The following GPR15LG variants were observed in gnomAD, a reference collection of about 807,000 sequenced individuals.
GPR15LG encodes the protein G protein-coupled receptor 15 ligand.
the GPR15LG span, among the ~76,000 whole-genome samples, chr10:84,181,154 G>C: frequency 9.9e-3 from 1,367 of 137,672 alleles, 42 homozygotes; most frequent in African/African-American, 0.037. Flanking sequence ...GGAGAGGGCT[G>C]GGCTCAGCAT....
At chr10:84,176,575 T>C in the GPR15LG span, 2 of 1,608,942 alleles carry the variant, frequency 1.2e-6, no homozygotes, top group Admixed American at 1.7e-5. Flanking sequence ...GAAAGGTAAG[T>C]ACCCCCACCT....
the GPR15LG span, chr10:84,185,123 C>G: frequency 9.0e-7 from 1 of 1,107,038 alleles, no homozygotes; most frequent in Non-Finnish European, 1.1e-6. Context: ...GGGTGGCTGA[C>G]CAAGACTGCA....
chr10:84,184,352 C>G, the GPR15LG span, among the ~76,000 whole-genome samples: 1 of 152,144 alleles, frequency 6.6e-6, no homozygotes, highest in Non-Finnish European at 1.5e-5. Context: ...GCAGACCCTC[C>G]TACCAGAGTC....
the GPR15LG span, chr10:84,184,982 C>A: frequency 1.4e-6 from 2 of 1,393,018 alleles, no homozygotes; most frequent in Non-Finnish European, 1.9e-6. Flanking sequence ...GCCAACCTCA[C>A]CCCACAGGGC....
At chr10:84,183,741 G>T in the GPR15LG span, among the ~76,000 whole-genome samples, 1 of 151,852 alleles carries the variant, frequency 6.6e-6, no homozygotes, top group Non-Finnish European at 1.5e-5. Flanking sequence ...CACCTCCCAG[G>T]CTCAGGTGAT....
At chr10:84,173,948 C>A in the GPR15LG span, 9 of 1,544,714 alleles carry the variant, frequency 5.8e-6, no homozygotes. Flanking sequence ...GGTGCAGATC[C>A]CTGAGCAGGA....
the GPR15LG span, among the ~76,000 whole-genome samples, chr10:84,177,761 G>A: frequency 2.0e-5 from 3 of 152,190 alleles, no homozygotes; most frequent in Admixed American, 6.5e-5. Flanking sequence ...CAGGGTGAGC[G>A]CAGGCTGTGG....
the GPR15LG span, chr10:84,185,284 A>C: frequency 5.9e-6 from 1 of 168,428 alleles, no homozygotes; most frequent in Non-Finnish European, 1.2e-5. Context: ...AATAAACTCA[A>C]TGCAGACACA....
At chr10:84,183,460 T>C in the GPR15LG span, among the ~76,000 whole-genome samples, 2 of 152,236 alleles carry the variant, frequency 1.3e-5, no homozygotes, top group Non-Finnish European at 2.9e-5. Context: ...GTGTGTCCTT[T>C]GTTTTTCGTA....
At chr10:84,179,939 G>T in the GPR15LG span, among the ~76,000 whole-genome samples, 5 of 150,786 alleles carry the variant, frequency 3.3e-5, no homozygotes, top group South Asian at 2.1e-4. Flanking sequence ...GGGGGATTTG[G>T]CAGGGTCATA....
chr10:84,176,602 C>A, the GPR15LG span: 1 of 1,522,592 alleles, frequency 6.6e-7, no homozygotes, highest in South Asian at 1.1e-5. Flanking sequence ...GACTGTGGGG[C>A]AGAAGTTCTA....
the GPR15LG span, among the ~76,000 whole-genome samples, chr10:84,184,288 G>T: frequency 1.3e-5 from 2 of 152,228 alleles, no homozygotes; most frequent in Non-Finnish European, 2.9e-5. Flanking sequence ...ACGTTGCCTG[G>T]CATGTGCCAT....
the GPR15LG span, among the ~76,000 whole-genome samples, chr10:84,174,770 G>C: frequency 4.6e-5 from 7 of 152,050 alleles, no homozygotes; most frequent in African/African-American, 7.2e-5. Context: ...GATTACAGGC[G>C]TGAGCCACCA....
At chr10:84,178,454 A>G in the GPR15LG span, among the ~76,000 whole-genome samples, 1 of 151,890 alleles carries the variant, frequency 6.6e-6, no homozygotes, top group Non-Finnish European at 1.5e-5. Context: ...ACATAAATAC[A>G]TACACACAAA....
the GPR15LG span, chr10:84,184,801 C>T: frequency 1.9e-6 from 3 of 1,612,380 alleles, no homozygotes; most frequent in Non-Finnish European, 1.7e-6. Flanking sequence ...AGCGGAGAAC[C>T]TCATGCCTGG....
At chr10:84,180,326 C>T in the GPR15LG span, among the ~76,000 whole-genome samples, 1 of 152,254 alleles carries the variant, frequency 6.6e-6, no homozygotes, top group Non-Finnish European at 1.5e-5. Context: ...CTTTTCCCCA[C>T]ATTTCCCCCT....
chr10:84,184,592 T>G, the GPR15LG span: 1 of 1,287,140 alleles, frequency 7.8e-7, no homozygotes, highest in Non-Finnish European at 1.1e-6. Flanking sequence ...TGCAACTTAA[T>G]TGTGTTTTCC....
the GPR15LG span, among the ~76,000 whole-genome samples, chr10:84,178,547 C>T: frequency 1.3e-5 from 2 of 151,700 alleles, no homozygotes; most frequent in African/African-American, 4.8e-5. Flanking sequence ...CACTCACAGA[C>T]ACTACACATG....
chr10:84,177,741 A>T, the GPR15LG span, among the ~76,000 whole-genome samples: 1 of 152,200 alleles, frequency 6.6e-6, no homozygotes, highest in South Asian at 2.1e-4. Flanking sequence ...GTGCCAGCCC[A>T]GGCAGGATGC....
Sources: gnomAD v4.1 joint callset for allele counts (sites outside exome capture counted in the v4.1 genomes callset) on GRCh38, gnomAD v4.1.1 for gene constraint, MANE v1.5 for transcripts, NCBI Gene and HGNC (gene_info 2026-07-23, HGNC 2026-07-21) for gene names.